Variants in PGAP1 observed in about 807,000 individuals in gnomAD.
PGAP1 encodes GPI inositol-deacylase.
Under a neutral mutation model 127.0 loss-of-function variants are expected in PGAP1, and 76 were observed. The observed-to-expected ratio is 0.60, with a 90% CI of 0.50 to 0.72. The LOEUF is 0.72. Among genes scored for constraint, PGAP1 ranks in the 30% least tolerant of loss-of-function variants. The pLI, the probability that PGAP1 is intolerant of heterozygous loss-of-function variation, is 0.00. For synonymous variants in PGAP1, 362 were observed against 366.5 expected (o/e 0.99, Z 0.14); for missense variants, 982 against 1,071.3 (o/e 0.92, Z 1.16).
intron 11 of PGAP1, 120 bp downstream of exon 11, chr2:196,885,714 C>A: frequency 1.4e-6 from 1 of 720,308 alleles, no homozygotes. Context: ...ATTTTAAAAA[C>A]AATATTATAA....
chr2:196,843,529 A>C (rs76821492), intron 25 of PGAP1, among the ~76,000 whole-genome samples: 3 of 152,174 alleles, frequency 2.0e-5, no homozygotes, highest in Non-Finnish European at 4.4e-5. Context: ...TTAGCAATTG[A>C]CCAATTAATA....
Position 196,872,969 on chromosome 2 carries a change from GT to G in PGAP1, c.1609del (p.Thr537ProfsTer13). ...TCTTTCAAATACTTACTGTGCAATGGTTAGTGAATCTTCATAAGACCAAGGA... is the reference window on the plus strand; with the variant it reads ...TCTTTCAAATACTTACTGTGCAATGGTAGTGAATCTTCATAAGACCAAGGA... Reference protein sequence around the residue: ...HIPWSYEDSLTIAQAPSSTEI... With the variant: ...HIPWSYEDSLXIAQAPSSTEI... On this transcript the variant is annotated frameshift_variant, in exon 17 of 27. Coordinates refer to ENST00000354764, the MANE Select transcript of PGAP1 (RefSeq NM_024989.4). LOFTEE classifies it high-confidence loss of function. 1 of 1,034,950 alleles carries G rather than the reference GT, an allele frequency of 9.7e-7. No individual in the cohort carries two copies. The highest frequency in any genetic ancestry group is 1.4e-6 in the Non-Finnish European group (1 of 690,280). The allele number at this position is 1,034,950 out of a possible 1,614,324, so 64.1% of individuals were successfully genotyped here. A position where few individuals can be genotyped will look rare whatever the true frequency, so the allele number is the denominator to read the frequency against.
intron 14 of PGAP1, 35 bp downstream of exon 14, chr2:196,875,711 G>A (rs920303767): frequency 4.3e-6 from 5 of 1,165,226 alleles, no homozygotes; most frequent in Non-Finnish European, 5.1e-6. Context: ...AAAAATAAAA[G>A]CAATTCTTAT....
rs896138880 is a variant in PGAP1, at chr2:196,836,366, T to C, written c.*4868A>G. On this transcript the variant is annotated 3_prime_UTR_variant, in exon 27 of 27. Transcript: ENST00000354764. ...ACATGTTATGAATTTACACTGTTAA[T>C]GGAAAAACAGCTTGATTATTCTCAC... The C allele has an allele frequency of 1.3e-5, 2 of 152,590 alleles. No homozygotes were observed. The highest frequency in any genetic ancestry group is 2.9e-5 in the Non-Finnish European group (2 of 67,980). The allele number at this position is 152,590 out of a possible 1,614,324, so 9.5% of individuals were successfully genotyped here. A position where few individuals can be genotyped will look rare whatever the true frequency, so the allele number is the denominator to read the frequency against.
At chr2:196,860,904 A>C (rs1256679781) in intron 20 of PGAP1, among the ~76,000 whole-genome samples, 1 of 152,228 alleles carries the variant, frequency 6.6e-6, no homozygotes, top group South Asian at 2.1e-4. Context: ...AAAAGAACAA[A>C]GCTGGAGGCA....
chr2:196,844,672 GT>G, intron 23 of PGAP1, 98 bp from the exon 24 acceptor site: 1 of 776,252 alleles, frequency 1.3e-6, no homozygotes, highest in Non-Finnish European at 2.0e-6. Context: ...AATCTGAAAT[GT>G]TTAAAATGTA....
chr2:196,865,123 G>T, intron 19 of PGAP1, 43 bp from the exon 20 acceptor site: 2 of 1,051,170 alleles, frequency 1.9e-6, no homozygotes, highest in African/African-American at 1.7e-5. Flanking sequence ...GAATATTCAT[G>T]TTAATAAGTG....
rs1258314778 is a variant in PGAP1, at chr2:196,834,537, T to C, written c.*6697A>G. 6.6e-6 allele frequency: 1 copy of C among 152,440 alleles called. No individual in the cohort carries two copies. Among genetic ancestry groups the C allele is most frequent in the African/African-American group, 2.4e-5 (1 of 41,448 alleles). The allele number at this position is 152,440 out of a possible 1,614,324, so 9.4% of individuals were successfully genotyped here. Reference sequence around the variant, plus strand: ...TATTCAATTTTGGTCTGGTTTCTCATGGGTATGTTGTTATATTTATAGCCA... The same window carrying C: ...TATTCAATTTTGGTCTGGTTTCTCACGGGTATGTTGTTATATTTATAGCCA... On this transcript the variant is annotated 3_prime_UTR_variant, in exon 27 of 27. Coordinates refer to ENST00000354764, the MANE Select transcript of PGAP1 (RefSeq NM_024989.4).
intron 8 of PGAP1, among the ~76,000 whole-genome samples, chr2:196,892,779 C>A (rs1168995834): frequency 6.6e-6 from 1 of 151,716 alleles, no homozygotes; most frequent in Non-Finnish European, 1.5e-5. Flanking sequence ...TGTTGGTAAT[C>A]CAAAAGAAGA....
chr2:196,924,450 T>C (rs1292996486), intron 1 of PGAP1, among the ~76,000 whole-genome samples: 2 of 152,196 alleles, frequency 1.3e-5, no homozygotes, highest in Non-Finnish European at 2.9e-5. Flanking sequence ...GAAATCTCAC[T>C]ATGTTCAAAA....
At chr2:196,883,288 A>G (rs1366890794) in intron 12 of PGAP1, among the ~76,000 whole-genome samples, 4 of 152,212 alleles carry the variant, frequency 2.6e-5, no homozygotes, top group Non-Finnish European at 5.9e-5. Flanking sequence ...AGAAGCACCA[A>G]TGTGGGCAAG....
At chr2:196,871,005 A>G (rs1701393360) in intron 18 of PGAP1, 26 bp from the exon 19 acceptor site, 2 of 1,558,630 alleles carry the variant, frequency 1.3e-6, no homozygotes, top group African/African-American at 2.7e-5. Flanking sequence ...TATTGAAAAA[A>G]AAGGTTATTT....
At chr2:196,924,030 G>A (rs991308246) in intron 1 of PGAP1, among the ~76,000 whole-genome samples, 4 of 152,228 alleles carry the variant, frequency 2.6e-5, no homozygotes, top group Admixed American at 6.5e-5. Flanking sequence ...ATATGGGTTC[G>A]TGAGATGTTC....
Position 196,848,083 on chromosome 2 carries a change from T to C in PGAP1, c.1862-46A>G, listed in dbSNP as rs552665807. 8 of 1,323,816 alleles carry C rather than the reference T, an allele frequency of 6.0e-6. 1 individual carries two copies. In the South Asian group the frequency reaches 1.0e-4, roughly 17 times the overall value. The allele number at this position is 1,323,816 out of a possible 1,614,324, so 82.0% of individuals were successfully genotyped here. ...ACATGCAATTTACAGTAATTAAGTA[T>C]GAGATATACTATATCCCACGTTCTC... On this transcript the variant is annotated intron_variant, in intron 20 of 26. Coordinates refer to ENST00000354764, the MANE Select transcript of PGAP1 (RefSeq NM_024989.4).
chr2:196,837,463 A>G lies in PGAP1; in HGVS notation c.*3771T>C, dbSNP rs1188082031. 6.6e-6 allele frequency: 1 copy of G among 152,200 alleles called. No homozygotes were observed. The highest frequency in any genetic ancestry group is 2.4e-5 in the African/African-American group (1 of 41,436). The allele number at this position is 152,200 out of a possible 1,614,324, so 9.4% of individuals were successfully genotyped here. A position where few individuals can be genotyped will look rare whatever the true frequency, so the allele number is the denominator to read the frequency against. The stretch of plus-strand genomic sequence containing the variant: ...GGCAACAAACTGAAACCTCGTCTCT[A>G]CAAAAAAATTAAAAAGTCAGGCACA... On this transcript the variant is annotated 3_prime_UTR_variant, in exon 27 of 27. Transcript: ENST00000354764.
At chr2:196,843,627 T>C (rs560798396) in intron 25 of PGAP1, among the ~76,000 whole-genome samples, 1 of 152,074 alleles carries the variant, frequency 6.6e-6, no homozygotes, top group Non-Finnish European at 1.5e-5. Flanking sequence ...AAAATGTGAA[T>C]GTATTAAAAA....
intron 1 of PGAP1, among the ~76,000 whole-genome samples, chr2:196,920,710 C>T (rs1200306908): frequency 6.6e-6 from 1 of 152,016 alleles, no homozygotes; most frequent in Non-Finnish European, 1.5e-5. Flanking sequence ...TTAATCTTAA[C>T]CTTATAGCCA....
At chr2:196,890,519 G>C (rs150787484) in intron 10 of PGAP1, among the ~76,000 whole-genome samples, 1 of 152,130 alleles carries the variant, frequency 6.6e-6, no homozygotes, top group East Asian at 1.9e-4. Flanking sequence ...ATTCTTTAAA[G>C]TACTAATAGA....
At chr2:196,852,293 T>C (rs184370631) in intron 20 of PGAP1, among the ~76,000 whole-genome samples, 19 of 152,236 alleles carry the variant, frequency 1.2e-4, no homozygotes, top group Admixed American at 1.1e-3. Flanking sequence ...AGAAATTCTA[T>C]TCAGATTGGC....
Sources: allele counts gnomAD v4.1 joint callset (sites outside exome capture counted in the v4.1 genomes callset), GRCh38; gene constraint gnomAD v4.1.1; transcripts MANE v1.5; gene names NCBI Gene and HGNC (gene_info 2026-07-23, HGNC 2026-07-21).